Variants in MACROD2 observed in about 807,000 individuals in gnomAD.
MACROD2 encodes mono-ADP ribosylhydrolase 2, also known as ADP-ribose glycohydrolase MACROD2.
In MACROD2, 36 loss-of-function variants were observed where a neutral mutation model predicts 70.4. The ratio of observed to expected loss-of-function variants is 0.51; its 90% CI spans 0.39 to 0.68. MACROD2 has a LOEUF of 0.68. Ranked by LOEUF, MACROD2 falls within the 30% of genes least tolerant of loss-of-function variation. MACROD2 has a pLI of 0.00. For synonymous variants in MACROD2, 172 were observed against 178.8 expected, an observed-to-expected ratio of 0.96 and a Z score of 0.30; for missense variants, 496 against 538.4, an observed-to-expected ratio of 0.92 and a Z score of 0.78.
intron 10 of MACROD2, among the ~76,000 whole-genome samples, chr20:15,891,599 G>A (rs543875193): frequency 9.2e-5 from 14 of 152,248 alleles, no homozygotes; most frequent in Admixed American, 9.2e-4. Context: ...AGATGAATAT[G>A]AAATCTATTT....
intron 6 of MACROD2, among the ~76,000 whole-genome samples, chr20:15,390,297 C>T (rs991448291): frequency 1.3e-5 from 2 of 152,166 alleles, no homozygotes; most frequent in Non-Finnish European, 2.9e-5. Flanking sequence ...GGATGTTCTC[C>T]AAACCCCCTA....
intron 8 of MACROD2, among the ~76,000 whole-genome samples, chr20:15,617,310 GA>G (rs529962393): frequency 1.9e-3 from 285 of 152,208 alleles, no homozygotes; most frequent in Middle Eastern, 6.8e-3. Context: ...AAGGATGGGG[GA>G]AAAATTTGAT....
intron 5 of MACROD2, among the ~76,000 whole-genome samples, chr20:14,933,316 C>G (rs1224834614): frequency 1.3e-5 from 2 of 152,186 alleles, no homozygotes; most frequent in Admixed American, 1.3e-4. Context: ...AGCATTGGGT[C>G]TTTCAAATTA....
chr20:15,255,852 T>C (rs2077194850), intron 6 of MACROD2, among the ~76,000 whole-genome samples: 1 of 152,110 alleles, frequency 6.6e-6, no homozygotes, highest in South Asian at 2.1e-4. Context: ...TCTTGGTGCT[T>C]CTACATGCTA....
chr20:15,553,421 T>C (rs980944727), intron 8 of MACROD2, among the ~76,000 whole-genome samples: 1 of 152,128 alleles, frequency 6.6e-6, no homozygotes. Context: ...ATGATGGGTA[T>C]TTGTTTGTTT....
chr20:14,423,884 T>A (rs1600224582), intron 3 of MACROD2, among the ~76,000 whole-genome samples: 1 of 145,976 alleles, frequency 6.9e-6, no homozygotes. Context: ...TGGCCCAGCC[T>A]CCCGAGTAGC....
At chr20:14,168,147 A>G (rs1181745972) in intron 3 of MACROD2, among the ~76,000 whole-genome samples, 1 of 152,202 alleles carries the variant, frequency 6.6e-6, no homozygotes, top group South Asian at 2.1e-4. Context: ...AACATTTTCA[A>G]AAAGGAGTAA....
At chr20:15,141,959 C>A (rs6034110) in intron 5 of MACROD2, among the ~76,000 whole-genome samples, 89,618 of 152,000 alleles carry the variant, frequency 0.59, 26,561 homozygotes, top group East Asian at 0.65. Context: ...TTGTGTTCTC[C>A]GCTTCTTTAA....
chr20:15,769,570 T>A (rs1310001048), intron 8 of MACROD2, among the ~76,000 whole-genome samples: 1 of 152,224 alleles, frequency 6.6e-6, no homozygotes, highest in Non-Finnish European at 1.5e-5. Context: ...AATTGTGCAA[T>A]GATAATAGTG....
At chr20:15,885,659 A>C (rs763099445) in intron 9 of MACROD2, 105 bp from the exon 10 acceptor site, 7 of 1,062,990 alleles carry the variant, frequency 6.6e-6, no homozygotes, top group Non-Finnish European at 9.0e-6. Context: ...TTTTCTACTG[A>C]TCTGTTATCC....
intron 8 of MACROD2, among the ~76,000 whole-genome samples, chr20:15,632,779 C>T (rs372929822): frequency 1.6e-4 from 24 of 151,764 alleles, no homozygotes; most frequent in Middle Eastern, 3.4e-3. Context: ...GCCTACTTTC[C>T]GTTCTCCTTC....
intron 12 of MACROD2, among the ~76,000 whole-genome samples, chr20:15,946,378 A>C (rs1296073325): frequency 6.6e-6 from 1 of 152,024 alleles, no homozygotes; most frequent in Non-Finnish European, 1.5e-5. Flanking sequence ...TTCCATCACA[A>C]ATTATCTGAG....
intron 5 of MACROD2, among the ~76,000 whole-genome samples, chr20:14,983,598 C>T (rs2074821658): frequency 6.6e-6 from 1 of 152,130 alleles, no homozygotes; most frequent in African/African-American, 2.4e-5. Flanking sequence ...CACAAGCTCT[C>T]TTCTCTTGTC....
chr20:14,613,903 A>G (rs779352255), intron 4 of MACROD2, among the ~76,000 whole-genome samples: 1 of 152,066 alleles, frequency 6.6e-6, no homozygotes, highest in Non-Finnish European at 1.5e-5. Context: ...TCGTTATTCT[A>G]AGTCTCCCTT....
At chr20:15,875,833 T>C (rs1220840828) in intron 9 of MACROD2, among the ~76,000 whole-genome samples, 1 of 151,930 alleles carries the variant, frequency 6.6e-6, no homozygotes, top group Admixed American at 6.6e-5. Flanking sequence ...GTCATCTTTA[T>C]AGAGACCGCT....
intron 6 of MACROD2, among the ~76,000 whole-genome samples, chr20:15,278,686 G>C (rs1477589986): frequency 6.6e-6 from 1 of 152,132 alleles, no homozygotes; most frequent in African/African-American, 2.4e-5. Flanking sequence ...GGGAGGGGTG[G>C]TGTTCTATAA....
intron 2 of MACROD2, among the ~76,000 whole-genome samples, chr20:14,012,883 G>A (rs2052933525): frequency 6.6e-6 from 1 of 152,162 alleles, no homozygotes; most frequent in African/African-American, 2.4e-5. Flanking sequence ...AAATATTACA[G>A]TAGTACAGTA....
chr20:14,373,858 T>C (rs1212118779), intron 3 of MACROD2, among the ~76,000 whole-genome samples: 1 of 152,186 alleles, frequency 6.6e-6, no homozygotes, highest in African/African-American at 2.4e-5. Flanking sequence ...TTGTTTATTA[T>C]AGGCTTTCCT....
At chr20:14,831,742 T>A (rs1405680818) in intron 5 of MACROD2, among the ~76,000 whole-genome samples, 3 of 114,812 alleles carry the variant, frequency 2.6e-5, no homozygotes, top group African/African-American at 1.0e-4. Flanking sequence ...ATCGCGCCAC[T>A]GCACTCCAGC....
Sources: allele counts gnomAD v4.1 joint callset (sites outside exome capture counted in the v4.1 genomes callset), GRCh38; gene constraint gnomAD v4.1.1; transcripts MANE v1.5; gene names NCBI Gene and HGNC (gene_info 2026-07-23, HGNC 2026-07-21).